Variants in PCDHGB3 observed in about 807,000 individuals in gnomAD.
PCDHGB3 encodes protocadherin gamma subfamily B, 3.
In PCDHGB3, 40 loss-of-function variants were observed where a neutral mutation model predicts 59.2. The ratio of observed to expected loss-of-function variants is 0.68; its 90% CI spans 0.52 to 0.88. The LOEUF is 0.88. PCDHGB3 is among the 40% of genes least tolerant of loss of function. The probability of loss-of-function intolerance (pLI) is 0.00; values close to 1 mark genes in which losing one functional copy is unlikely to be tolerated. For synonymous variants in PCDHGB3, 581 were observed against 503.6 expected (o/e 1.15, Z -2.06); for missense variants, 1,309 against 1,187.9 (o/e 1.10, Z -1.50).
intron 1 of PCDHGB3, chr5:141,410,366 G>T: frequency 6.2e-7 from 1 of 1,613,774 alleles, no homozygotes; most frequent in Non-Finnish European, 8.5e-7. Flanking sequence ...TCTCAGCCCT[G>T]CTACTTGGGA....
At chr5:141,415,738 AGGTTTT>A in intron 1 of PCDHGB3, 1 of 538,082 alleles carries the variant, frequency 1.9e-6, no homozygotes, top group South Asian at 3.9e-5. Flanking sequence ...ATGTTTATTA[AGGTTTT>A]TTTTTTTTTT....
At chr5:141,425,524 G>C (rs2096881323) in intron 1 of PCDHGB3, among the ~76,000 whole-genome samples, 1 of 152,184 alleles carries the variant, frequency 6.6e-6, no homozygotes, top group Non-Finnish European at 1.5e-5. Context: ...GATGAAACAT[G>C]AAACAATAAT....
intron 1 of PCDHGB3, chr5:141,374,093 C>T (rs1039229802): frequency 6.4e-7 from 1 of 1,554,822 alleles, no homozygotes; most frequent in Middle Eastern, 1.8e-4. Context: ...AATGGCGCCT[C>T]CGCAGAGGCA....
At chr5:141,434,608 C>T (rs142418557) in intron 1 of PCDHGB3, among the ~76,000 whole-genome samples, 1,532 of 152,226 alleles carry the variant, frequency 0.01, 34 homozygotes, top group African/African-American at 0.034. Flanking sequence ...CCTTTATTTC[C>T]GCCCATCTCT....
intron 1 of PCDHGB3, chr5:141,426,221 A>G (rs1279749881): frequency 6.3e-6 from 1 of 158,300 alleles, no homozygotes; most frequent in Non-Finnish European, 1.4e-5. Context: ...GGAAGTAAAT[A>G]TTTTAAAAGC....
chr5:141,409,711 A>T (rs768917889), intron 1 of PCDHGB3: 1 of 1,613,204 alleles, frequency 6.2e-7, no homozygotes, highest in Non-Finnish European at 8.5e-7. Flanking sequence ...CGGTGTCGTC[A>T]TACGTGTCAG....
In PCDHGB3 at chr5:141,485,636, G is replaced by A. The variant is rs371040974; in HGVS notation, c.2416-9171G>A. The A allele has an allele frequency of 6.2e-7, 1 of 1,611,922 alleles. No homozygotes were observed. The highest frequency in any genetic ancestry group is 1.1e-5 in the South Asian group (1 of 90,964). On this transcript the variant is annotated intron_variant, in intron 1 of 3. Transcript: ENST00000576222. This position sits in a 1 kb window ranked among gnomAD's most constrained non-coding sequence, Gnocchi z 5.7. ...TCCTCCAGGACAGCGTTTCCCGTTG[G>A]AAAAGGCTCAGGATGCAGATGTGGG...
intron 1 of PCDHGB3, among the ~76,000 whole-genome samples, chr5:141,451,001 A>AT (rs1164946963): frequency 2.0e-5 from 3 of 148,376 alleles, no homozygotes; most frequent in South Asian, 2.1e-4. Context: ...ATTTTTTTGT[A>AT]TTTTTTTTAG....
At chr5:141,427,120 TC>T (rs1212765591) in intron 1 of PCDHGB3, 1 of 457,342 alleles carries the variant, frequency 2.2e-6, no homozygotes, top group African/African-American at 2.0e-5. Context: ...ACCTACTCTT[TC>T]AAATCCCTAC....
At position 141,432,724 on chromosome 5, in the gene PCDHGB3, C is replaced by T. The variant is rs752394602; in HGVS notation, c.2415+59915C>T. ...AGGACCACGGCCAGCCCCCTCTCTCCGCCACTGTCACGCTCACCGTGGCCG... is the reference window on the plus strand; with the variant it reads ...AGGACCACGGCCAGCCCCCTCTCTCTGCCACTGTCACGCTCACCGTGGCCG... On this transcript the variant is annotated intron_variant, in intron 1 of 3. Coordinates refer to ENST00000576222, the MANE Select transcript of PCDHGB3 (RefSeq NM_018924.5). The surrounding 1 kb of genome is among the most constrained non-coding windows in gnomAD (Gnocchi z 6.0). The T allele has an allele frequency of 8.1e-6, 13 of 1,614,066 alleles. No individual in the cohort carries two copies. Among genetic ancestry groups the T allele is most frequent in the Middle Eastern group, 1.6e-4 (1 of 6,062 alleles).
At chr5:141,420,218 C>T (rs762476625) in intron 1 of PCDHGB3, 11 of 1,608,290 alleles carry the variant, frequency 6.8e-6, no homozygotes, top group Admixed American at 1.7e-5. Flanking sequence ...AGATAGCATG[C>T]TACTGGCTAG....
chr5:141,509,207 A>C (rs1263006059), intron 3 of PCDHGB3, among the ~76,000 whole-genome samples: 2 of 151,694 alleles, frequency 1.3e-5, no homozygotes, highest in Non-Finnish European at 2.9e-5. Context: ...CTGTCTCTCT[A>C]TTTCTCAATC....
At chr5:141,420,413 A>T in intron 1 of PCDHGB3, 1 of 1,222,396 alleles carries the variant, frequency 8.2e-7, no homozygotes, top group Non-Finnish European at 1.1e-6. Context: ...GGTTATCATT[A>T]TTAAAACAAA....
chr5:141,439,588 T>C (rs2098121813), intron 1 of PCDHGB3, among the ~76,000 whole-genome samples: 2 of 152,200 alleles, frequency 1.3e-5, no homozygotes, highest in South Asian at 4.1e-4. Flanking sequence ...AGTGCCACTG[T>C]TGGCCAGTCT....
At chr5:141,464,327 C>G (rs893319708) in intron 1 of PCDHGB3, among the ~76,000 whole-genome samples, 15 of 150,890 alleles carry the variant, frequency 9.9e-5, no homozygotes, top group African/African-American at 3.7e-4. Flanking sequence ...TCTGTTCAAC[C>G]CATCTATGAC....
chr5:141,483,245 A>G (rs2099578786), intron 1 of PCDHGB3, among the ~76,000 whole-genome samples: 1 of 151,456 alleles, frequency 6.6e-6, no homozygotes, highest in Non-Finnish European at 1.5e-5. Flanking sequence ...TGATATGCAT[A>G]TATCATGAGG....
At chr5:141,428,146 C>T (rs549173211) in intron 1 of PCDHGB3, 15 of 1,589,346 alleles carry the variant, frequency 9.4e-6, no homozygotes, top group East Asian at 2.2e-5. Context: ...GGGCTGCACA[C>T]GGGAACCTGC....
chr5:141,419,968 T>G lies in PCDHGB3; in HGVS notation c.2415+47159T>G, dbSNP rs766617414. ...CCTTGGCCTTGATTTCTGTGCTCTT[T>G]CTCCTCGCGGTGATTCTAGCTATTG... is the stretch of plus-strand genomic sequence containing the variant. On this transcript the variant is annotated intron_variant, in intron 1 of 3. Transcript: ENST00000576222. The G allele has an allele frequency of 6.2e-6, 10 of 1,614,036 alleles. No homozygotes were observed. The South Asian group carries it at 1.1e-4, about 18-fold the overall frequency.
intron 1 of PCDHGB3, chr5:141,414,991 G>T (rs1162432290): frequency 1.9e-6 from 3 of 1,613,766 alleles, no homozygotes; most frequent in Non-Finnish European, 1.7e-6. Flanking sequence ...CGGCCAGAAC[G>T]CCTGGCTGTC....
Sources: allele counts gnomAD v4.1 joint callset (sites outside exome capture counted in the v4.1 genomes callset), GRCh38; gene constraint gnomAD v4.1.1; non-coding constraint Gnocchi (gnomAD v3.1); transcripts MANE v1.5; gene names NCBI Gene and HGNC (gene_info 2026-07-23, HGNC 2026-07-21).